The following AKT3 variants were observed in gnomAD, a reference collection of about 807,000 sequenced individuals.
AKT3 encodes RAC-gamma serine/threonine-protein kinase.
In AKT3, 15 loss-of-function variants were observed where a neutral mutation model predicts 65.3. That is an observed-to-expected ratio of 0.23 (90% CI 0.15 to 0.35). The LOEUF is 0.35. Among genes scored for constraint, AKT3 ranks in the 10% least tolerant of loss-of-function variants. The pLI is 1.00. For synonymous variants in AKT3, 206 were observed against 183.8 expected (o/e 1.12, Z -0.98); for missense variants, 243 against 576.5 (o/e 0.42, Z 5.92).
At chr1:243,817,207 T>C (rs376733889) in intron 2 of AKT3, among the ~76,000 whole-genome samples, 23 of 152,176 alleles carry the variant, frequency 1.5e-4, no homozygotes, top group South Asian at 6.2e-4. Flanking sequence ...AGTGCACCCA[T>C]AGGAATGACT....
intron 4 of AKT3, among the ~76,000 whole-genome samples, chr1:243,653,423 A>G (rs764701980): frequency 2.6e-5 from 4 of 152,214 alleles, no homozygotes; most frequent in Non-Finnish European, 5.9e-5. Context: ...AGGTACAAAG[A>G]GGAGCTGGTC....
At chr1:243,734,937 T>C (rs1219614657) in intron 2 of AKT3, 1 of 151,478 alleles carries the variant, frequency 6.6e-6, no homozygotes, top group Non-Finnish European at 1.5e-5. Flanking sequence ...GATATAAACA[T>C]ACATATTAGC....
At position 243,499,741 on chromosome 1, in the gene AKT3, T is replaced by C; in HGVS notation, c.*5508A>G. ...ACATGAGCTATTGAAACTTACTTTT[T>C]ATTATTTTTTCCAGTTACCCAGCAT... is the stretch of plus-strand genomic sequence containing the variant. On this transcript the variant is annotated 3_prime_UTR_variant, in exon 14 of 14. Transcript: ENST00000673466. 1 of 1,605,586 alleles carries C rather than the reference T, an allele frequency of 6.2e-7. No homozygotes were observed. The highest frequency in any genetic ancestry group is 8.5e-7 in the Non-Finnish European group (1 of 1,172,468).
chr1:243,590,926 A>C (rs1479005886), intron 8 of AKT3, among the ~76,000 whole-genome samples: 2 of 152,218 alleles, frequency 1.3e-5, no homozygotes, highest in Non-Finnish European at 2.9e-5. Flanking sequence ...GAAATGAATA[A>C]GGTGATAGTT....
At chr1:243,537,516 T>A (rs1558598184) in intron 12 of AKT3, among the ~76,000 whole-genome samples, 1 of 152,186 alleles carries the variant, frequency 6.6e-6, no homozygotes, top group Non-Finnish European at 1.5e-5. Context: ...GAATTCACAC[T>A]TCCTTTCCCT....
At chr1:243,554,872 C>G (rs904346436) in intron 10 of AKT3, among the ~76,000 whole-genome samples, 2 of 151,916 alleles carry the variant, frequency 1.3e-5, no homozygotes, top group African/African-American at 4.8e-5. Context: ...TCATCCCCAG[C>G]TGGCAAAACT....
chr1:243,493,041 C>G (rs1307820419), intron 13 of AKT3, among the ~76,000 whole-genome samples: 3 of 152,146 alleles, frequency 2.0e-5, no homozygotes, highest in African/African-American at 4.8e-5. Flanking sequence ...TGTGGAGAAA[C>G]AGACACTGAA....
chr1:243,525,963 T>C (rs931092832), intron 12 of AKT3, among the ~76,000 whole-genome samples: 1 of 150,496 alleles, frequency 6.6e-6, no homozygotes, highest in Non-Finnish European at 1.5e-5. Context: ...GCAGAATAAA[T>C]AGAAAACCTC....
intron 13 of AKT3, 145 bp downstream of exon 13, chr1:243,512,175 AATAT>A (rs1381223422): frequency 1.9e-6 from 1 of 524,986 alleles, no homozygotes; most frequent in African/African-American, 2.0e-5. Flanking sequence ...AATTCAATTC[AATAT>A]TCAATATTCT....
At chr1:243,693,814 A>T (rs1214283706) in intron 3 of AKT3, among the ~76,000 whole-genome samples, 2 of 152,214 alleles carry the variant, frequency 1.3e-5, no homozygotes, top group African/African-American at 4.8e-5. Context: ...AAATTTATTT[A>T]GAGTAAGATC....
intron 3 of AKT3, among the ~76,000 whole-genome samples, chr1:243,694,064 A>G (rs1284261510): frequency 3.9e-5 from 6 of 152,168 alleles, no homozygotes; most frequent in African/African-American, 1.4e-4. Flanking sequence ...GACATACAGT[A>G]TGTCTTTAAA....
At chr1:243,848,511 A>C (rs1695610471) in intron 1 of AKT3, among the ~76,000 whole-genome samples, 1 of 152,218 alleles carries the variant, frequency 6.6e-6, no homozygotes, top group Admixed American at 6.5e-5. Flanking sequence ...CACCATCTTT[A>C]TTAGACTCTT....
intron 6 of AKT3, among the ~76,000 whole-genome samples, chr1:243,633,731 G>A (rs1010672195): frequency 6.6e-6 from 1 of 152,042 alleles, no homozygotes; most frequent in East Asian, 1.9e-4. Context: ...GGGACAAAAA[G>A]CAATGAGGCA....
chr1:243,812,622 G>A lies in AKT3; in HGVS notation c.46+30503C>T, dbSNP rs554001492. ...TGGAAGACAGTGTGGCGATTCCTCA[G>A]GGATCTAGAACTAGAAATACCATTT... On this transcript the variant is annotated intron_variant, in intron 2 of 13. Transcript: ENST00000673466. Among the ~76,000 whole-genome samples, 12 of 152,240 alleles carry A rather than the reference G, an allele frequency of 7.9e-5. No individual in the cohort carries two copies. In the East Asian group the frequency reaches 2.1e-3, roughly 27 times the overall value.
Position 243,504,622 on chromosome 1 carries a change from T to TA in AKT3, c.*626_*627insT, listed in dbSNP as rs1669541917. ...TTCTTCTACAGTATCCACCAGGAAT[T>TA]TAAAAAAAAAAAATTATATATATAT... On this transcript the variant is annotated 3_prime_UTR_variant, in exon 14 of 14. Coordinates refer to ENST00000673466, the MANE Select transcript of AKT3 (RefSeq NM_005465.7). The TA allele has an allele frequency of 2.9e-5, 5 of 174,986 alleles. No homozygotes were observed. Among genetic ancestry groups the TA allele is most frequent in the Non-Finnish European group, 4.8e-5 (4 of 82,938 alleles). The allele number at this position is 174,986 out of a possible 1,614,324, so 10.8% of individuals were successfully genotyped here.
intron 2 of AKT3, 125 bp downstream of exon 2, chr1:243,843,000 T>C: frequency 1.0e-6 from 1 of 976,242 alleles, no homozygotes; most frequent in Non-Finnish European, 1.5e-6. Flanking sequence ...AAATATATCA[T>C]TTCTCTCTTA....
In AKT3 at chr1:243,570,921, T is replaced by C. The variant is rs1457370341; in HGVS notation, c.819+2005A>G. ...GTGCACGTGGTAACTAATTGACTGA[T>C]ATTCATATATAAAGTAGGTACTTTA... On this transcript the variant is annotated intron_variant, in intron 9 of 13. Coordinates refer to ENST00000673466, the MANE Select transcript of AKT3 (RefSeq NM_005465.7). Among the ~76,000 whole-genome samples the C allele has an allele frequency of 3.3e-5, 5 of 152,334 alleles. No individual in the cohort carries two copies. In the South Asian group the frequency reaches 1.0e-3, roughly 32 times the overall value.
chr1:243,814,725 A>G (rs1219125531), intron 2 of AKT3: 2 of 152,186 alleles, frequency 1.3e-5, no homozygotes, highest in Non-Finnish European at 2.9e-5. Flanking sequence ...GCTATCTATC[A>G]CTGCATAACA....
At chr1:243,762,277 T>C (rs555015054) in intron 2 of AKT3, among the ~76,000 whole-genome samples, 3 of 152,230 alleles carry the variant, frequency 2.0e-5, no homozygotes, top group South Asian at 2.1e-4. Flanking sequence ...CTAAAAATCA[T>C]AGACAATAAA....
Sources: gnomAD v4.1 joint callset for allele counts (sites outside exome capture counted in the v4.1 genomes callset) on GRCh38, gnomAD v4.1.1 for gene constraint, MANE v1.5 for transcripts, NCBI Gene and HGNC (gene_info 2026-07-23, HGNC 2026-07-21) for gene names.